EHMT1: variants seen among roughly 807,000 people sequenced by gnomAD.
EHMT1 encodes histone-lysine N-methyltransferase EHMT1.
In EHMT1, 15 loss-of-function variants were observed where a neutral mutation model predicts 147.2. The ratio of observed to expected loss-of-function variants is 0.10; its 90% confidence interval spans 0.07 to 0.16. EHMT1 has a LOEUF of 0.16. EHMT1 is among the 10% of genes least tolerant of loss of function. The probability of loss-of-function intolerance (pLI) is 1.00; values close to 1 mark genes in which losing one functional copy is unlikely to be tolerated. For missense variants in EHMT1, 1,587 were observed against 1,772.4 expected, an observed-to-expected ratio of 0.90 and a Z score of 1.88; for synonymous variants, 795 against 709.6, an observed-to-expected ratio of 1.12 and a Z score of -1.91.
intron 1 of EHMT1, among the ~76,000 whole-genome samples, chr9:137,625,262 A>G (rs934415342): frequency 6.6e-6 from 1 of 152,106 alleles, no homozygotes; most frequent in Admixed American, 6.6e-5. Context: ...GATTTTCCTA[A>G]TATTTATCAT....
At position 137,806,441 on chromosome 9, in the gene EHMT1, C is replaced by CT. The variant is rs953799687; in HGVS notation, c.2713-5009dup. On this transcript the variant is annotated intron_variant, in intron 18 of 26. Transcript: ENST00000460843. ...GTCTGCTTGTGATGAGCTCTTGCAG[C>CT]TTTTTTTTTTTGAAATGGAGTTTTG... is the stretch of plus-strand genomic sequence containing the variant. Among the ~76,000 whole-genome samples the CT allele has an allele frequency of 4.0e-3, 584 of 145,342 alleles. 4 individuals carry two copies. The highest frequency in any genetic ancestry group is 6.5e-3 in the Non-Finnish European group (429 of 65,718).
rs558480746 is a variant in EHMT1 at position 137,775,398 on chromosome 9, C to T, written c.1791+146C>T. ...TGTCCGTCTGGAGGTCTCCAGTGTT[C>T]ACAAGCCCCTCACCACCCCTGTCGA... On this transcript the variant is annotated intron_variant, in intron 11 of 26. Coordinates refer to ENST00000460843, the MANE Select transcript of EHMT1 (RefSeq NM_024757.5). The surrounding 1 kb of genome is among the most constrained non-coding windows in gnomAD (Gnocchi z 6.1). 141 of 1,229,166 alleles carry T rather than the reference C, an allele frequency of 1.1e-4. No homozygotes were observed. The East Asian group carries it at 3.6e-3, about 31-fold the overall frequency. The allele number at this position is 1,229,166 out of a possible 1,614,324, so 76.1% of individuals were successfully genotyped here.
intron 16 of EHMT1, among the ~76,000 whole-genome samples, chr9:137,795,621 TTTTG>T (rs142615433): frequency 3.6e-4 from 55 of 151,784 alleles, no homozygotes; most frequent in South Asian, 3.0e-3. Flanking sequence ...TGGGAGTGGT[TTTTG>T]TTTGTTTGTT....
chr9:137,770,622 G>A (rs867219398), intron 10 of EHMT1, among the ~76,000 whole-genome samples: 15 of 152,358 alleles, frequency 9.8e-5, no homozygotes, highest in African/African-American at 2.6e-4. Flanking sequence ...AGCTGTGACA[G>A]CCATAATCTT....
chr9:137,726,237 C>T (rs1946615030), intron 3 of EHMT1, among the ~76,000 whole-genome samples: 2 of 152,204 alleles, frequency 1.3e-5, no homozygotes. Flanking sequence ...TCTTCATCTT[C>T]CCACACTGAA....
Position 137,717,153 on chromosome 9 carries a change from A to G in EHMT1, c.613A>G (p.Lys205Glu), listed in dbSNP as rs770915884. Reference sequence around the variant, plus strand: ...CGACGTCAAGGTCCACAGGGCACGCAAGACCATGCCGAAGTCCGTCGTGGG... The same window carrying G: ...CGACGTCAAGGTCCACAGGGCACGCGAGACCATGCCGAAGTCCGTCGTGGG... The part of the protein sequence containing the change: ...GADVKVHRAR[K>E]TMPKSVVGLH... Residue 205 changes from lysine to glutamate, a missense_variant, in exon 3 of 27, where the codon AAG becomes GAG. By Grantham distance (56) the Lys-to-Glu change is moderately conservative. Coordinates refer to ENST00000460843, the MANE Select transcript of EHMT1 (RefSeq NM_024757.5). 1 of 1,612,372 alleles carries G rather than the reference A, an allele frequency of 6.2e-7. No individual in the cohort carries two copies. Among genetic ancestry groups the G allele is most frequent in the Non-Finnish European group, 8.5e-7 (1 of 1,179,994 alleles).
chr9:137,720,546 G>T (rs769307035), intron 3 of EHMT1, among the ~76,000 whole-genome samples: 1 of 152,102 alleles, frequency 6.6e-6, no homozygotes, highest in Non-Finnish European at 1.5e-5. Flanking sequence ...CAAGTGATCT[G>T]CCCTCCTCGG....
chr9:137,688,702 C>T (rs2134775472), intron 1 of EHMT1, among the ~76,000 whole-genome samples: 1 of 152,288 alleles, frequency 6.6e-6, no homozygotes, highest in Middle Eastern at 3.4e-3. Flanking sequence ...CACTTGATTA[C>T]CATCACTTAG....
chr9:137,756,020 G>A (rs3125792), intron 8 of EHMT1, among the ~76,000 whole-genome samples: 73,021 of 152,088 alleles, frequency 0.48, 20,962 homozygotes, highest in African/African-American at 0.8. Flanking sequence ...TCCTAATGCT[G>A]TATTTAGAAG....
rs1950939713 is a variant in EHMT1 at position 137,776,154 on chromosome 9, T to C, written c.1792-464T>C. 6.6e-6 allele frequency among the ~76,000 whole-genome samples: 1 copy of C among 152,232 alleles called. No homozygotes were observed. The highest frequency in any genetic ancestry group is 1.5e-5 in the Non-Finnish European group (1 of 68,050). ...TCTCTGGCTTTCTGCAAGAAAATGC[T>C]GTTCTTACGGCTGTGTGCCCCTCCT... On this transcript the variant is annotated intron_variant, in intron 11 of 26. Coordinates refer to ENST00000460843, the MANE Select transcript of EHMT1 (RefSeq NM_024757.5). The surrounding 1 kb of genome is among the most constrained non-coding windows in gnomAD (Gnocchi z 4.4).
At chr9:137,690,055 G>A (rs1156891747) in intron 1 of EHMT1, among the ~76,000 whole-genome samples, 2 of 152,190 alleles carry the variant, frequency 1.3e-5, no homozygotes, top group Non-Finnish European at 1.5e-5. Flanking sequence ...CAGAGGACTG[G>A]TGCATGATCT....
chr9:137,676,861 G>A (rs1227723938), intron 1 of EHMT1, among the ~76,000 whole-genome samples: 2 of 152,012 alleles, frequency 1.3e-5, no homozygotes, highest in Non-Finnish European at 2.9e-5. Context: ...GGTCCTGTAA[G>A]CAGGACTCCA....
Position 137,743,953 on chromosome 9 carries a change from G to C in EHMT1, c.1033G>C (p.Glu345Gln), listed in dbSNP as rs778061195. The change falls in exon 6 of 27, where the codon GAG becomes CAG. Residue 345 changes from glutamate to glutamine, a missense_variant. Coordinates refer to ENST00000460843, the MANE Select transcript of EHMT1 (RefSeq NM_024757.5). ...CCTGCACGTGAATGGGGAGAGCCTGGAGATGGACTCGGATGAGGACGACTC... is the reference window on the plus strand; with the variant it reads ...CCTGCACGTGAATGGGGAGAGCCTGCAGATGGACTCGGATGAGGACGACTC... Reference protein sequence around the residue: ...SSLHVNGESLEMDSDEDDSEE... With the variant: ...SSLHVNGESLQMDSDEDDSEE... The C allele has an allele frequency of 6.2e-7, 1 of 1,613,820 alleles. No homozygotes were observed. Among genetic ancestry groups the C allele is most frequent in the Non-Finnish European group, 8.5e-7 (1 of 1,179,918 alleles).
At chr9:137,718,094 G>A (rs112864329) in intron 3 of EHMT1, among the ~76,000 whole-genome samples, 16,184 of 142,744 alleles carry the variant, frequency 0.11, 2,759 homozygotes, top group African/African-American at 0.45. Context: ...CACAGGGCGC[G>A]CCCGCCCCTC....
At chr9:137,685,006 G>T (rs1422063776) in intron 1 of EHMT1, among the ~76,000 whole-genome samples, 1 of 152,074 alleles carries the variant, frequency 6.6e-6, no homozygotes, top group Non-Finnish European at 1.5e-5. Context: ...ACAAATTAAA[G>T]AAATTTATGA....
At chr9:137,769,810 C>T (rs1449742797) in intron 10 of EHMT1, among the ~76,000 whole-genome samples, 1 of 151,716 alleles carries the variant, frequency 6.6e-6, no homozygotes, top group Non-Finnish European at 1.5e-5. Flanking sequence ...TCTTAGCCAG[C>T]TATCACTTTT....
chr9:137,682,160 G>A (rs1262202523), intron 1 of EHMT1, among the ~76,000 whole-genome samples: 1 of 152,064 alleles, frequency 6.6e-6, no homozygotes, highest in Non-Finnish European at 1.5e-5. Context: ...GTGTTCGTCA[G>A]GATGGTCTCA....
chr9:137,822,961 G>A (rs1054465750), intron 25 of EHMT1, among the ~76,000 whole-genome samples: 26 of 151,242 alleles, frequency 1.7e-4, no homozygotes, highest in African/African-American at 2.4e-4. Context: ...ATGGAGTTTC[G>A]CTCTTGTCGC....
chr9:137,716,645 T>C lies in EHMT1; in HGVS notation c.105T>C (p.Asp35=), dbSNP rs1308596650. The change falls in exon 3 of 27, where the codon GAT becomes GAC. Residue 35 remains aspartate, a synonymous_variant. Transcript: ENST00000460843. ...TGGCAGAGACACCTATGGCTGCCGATGAAGGCTCAGCAGAGAAACAGGCAG... is the reference window on the plus strand; with the variant it reads ...TGGCAGAGACACCTATGGCTGCCGACGAAGGCTCAGCAGAGAAACAGGCAG... ...LLGEETPMAA[D]EGSAEKQAGE... The C allele has an allele frequency of 6.3e-7, 1 of 1,578,124 alleles. No individual in the cohort carries two copies. Among genetic ancestry groups the C allele is most frequent in the East Asian group, 2.3e-5 (1 of 44,434 alleles).
Sources: gnomAD v4.1 joint callset for allele counts (sites outside exome capture counted in the v4.1 genomes callset) on GRCh38, gnomAD v4.1.1 for gene constraint, Gnocchi (gnomAD v3.1) non-coding constraint, MANE v1.5 for transcripts, NCBI Gene and HGNC (gene_info 2026-07-23, HGNC 2026-07-21) for gene names.